The following CTIF variants were observed in gnomAD, a reference collection of about 807,000 sequenced individuals.
The protein encoded by CTIF is CBP80/20-dependent translation initiation factor.
A neutral mutation model predicts 66.0 loss-of-function variants in CTIF; 21 were observed. The observed-to-expected ratio is 0.32, with a 90% CI of 0.23 to 0.46. CTIF has a LOEUF of 0.46. Among genes scored for constraint, CTIF ranks in the 20% least tolerant of loss-of-function variants. The pLI, the probability that CTIF is intolerant of heterozygous loss-of-function variation, is 1.00. For missense variants in CTIF, 739 were observed against 812.7 expected (o/e 0.91, Z 1.10); for synonymous variants, 345 against 326.4 (o/e 1.06, Z -0.62).
intron 10 of CTIF, among the ~76,000 whole-genome samples, chr18:48,828,162 GCTT>G (rs1490179645): frequency 1.3e-5 from 2 of 152,112 alleles, no homozygotes; most frequent in African/African-American, 4.8e-5. Context: ...AAAAATACCA[GCTT>G]CCACCAGACA....
intron 1 of CTIF, among the ~76,000 whole-genome samples, chr18:48,606,409 G>A (rs1242910207): frequency 6.6e-6 from 1 of 152,248 alleles, no homozygotes; most frequent in Non-Finnish European, 1.5e-5. Context: ...CCATATGGGA[G>A]GGTAACAGGG....
At position 48,560,062 on chromosome 18, in the gene CTIF, C is replaced by T. The variant is rs140157612; in HGVS notation, c.-29+20750C>T. 5.1e-3 allele frequency among the ~76,000 whole-genome samples: 774 copies of T among 152,154 alleles called. 2 individuals carry two copies. Among genetic ancestry groups the T allele is most frequent in the Middle Eastern group, 0.014 (4 of 294 alleles). Reference sequence around the variant, plus strand: ...TGGCCCAAGAAACAGGAAGGAGAGACGGCTAATTTCTTAAGGGCTGGCATA... The same window carrying T: ...TGGCCCAAGAAACAGGAAGGAGAGATGGCTAATTTCTTAAGGGCTGGCATA... On this transcript the variant is annotated intron_variant, in intron 1 of 11. Transcript: ENST00000256413.
intron 1 of CTIF, among the ~76,000 whole-genome samples, chr18:48,556,392 A>T (rs555010224): frequency 6.6e-6 from 1 of 152,088 alleles, no homozygotes; most frequent in Non-Finnish European, 1.5e-5. Context: ...TTGATAGTGG[A>T]GTTGGAAAGC....
At chr18:48,635,500 T>C (rs548403180) in intron 2 of CTIF, among the ~76,000 whole-genome samples, 1 of 152,068 alleles carries the variant, frequency 6.6e-6, no homozygotes, top group East Asian at 1.9e-4. Flanking sequence ...GTTTTTGCTT[T>C]TGTTTTAGTA....
chr18:48,753,148 C>G (rs1217437274), intron 7 of CTIF, among the ~76,000 whole-genome samples: 1 of 152,182 alleles, frequency 6.6e-6, no homozygotes, highest in African/African-American at 2.4e-5. Context: ...GAGGTGCCTA[C>G]GCTGGTAATA....
intron 6 of CTIF, among the ~76,000 whole-genome samples, chr18:48,706,727 G>A (rs184694309): frequency 6.6e-6 from 1 of 152,228 alleles, no homozygotes; most frequent in African/African-American, 2.4e-5. Flanking sequence ...ATAACATGCC[G>A]CCCCTCAGTG....
chr18:48,598,874 A>G (rs1270089472), intron 1 of CTIF, among the ~76,000 whole-genome samples: 2 of 152,166 alleles, frequency 1.3e-5, no homozygotes, highest in Non-Finnish European at 2.9e-5. Flanking sequence ...CTCCAACCCC[A>G]GCCTTTTTCC....
intron 2 of CTIF, among the ~76,000 whole-genome samples, chr18:48,634,542 C>T (rs746500085): frequency 3.3e-5 from 5 of 152,206 alleles, no homozygotes; most frequent in Non-Finnish European, 5.9e-5. Flanking sequence ...GTCCAGGGTT[C>T]CCGGTCATGC....
Position 48,701,604 on chromosome 18 carries a change from G to C in CTIF, c.508-10015G>C, listed in dbSNP as rs192102945. Among the ~76,000 whole-genome samples, 169 of 152,198 alleles carry C rather than the reference G, an allele frequency of 1.1e-3. 1 individual carries two copies. Among genetic ancestry groups the C allele is most frequent in the African/African-American group, 3.4e-3 (142 of 41,486 alleles). The stretch of plus-strand genomic sequence containing the variant: ...GGCTGCAGAATGGAAGCCTGACAAT[G>C]GTAGTTGAAGAAGTGGCATTTTACT... On this transcript the variant is annotated intron_variant, in intron 6 of 11. Coordinates refer to ENST00000256413, the MANE Select transcript of CTIF (RefSeq NM_014772.3).
Position 48,657,500 on chromosome 18 carries a change from C to A in CTIF, c.253-6252C>A, listed in dbSNP as rs568100729. ...TTAAACCACCAACCCTCCCTTCTCTCAGTGATTCTGATGCACACTGACATT... is the reference window on the plus strand; with the variant it reads ...TTAAACCACCAACCCTCCCTTCTCTAAGTGATTCTGATGCACACTGACATT... On this transcript the variant is annotated intron_variant, in intron 3 of 11. Transcript: ENST00000256413. Among the ~76,000 whole-genome samples, 3 of 152,334 alleles carry A rather than the reference C, an allele frequency of 2.0e-5. No homozygotes were observed. In the East Asian group the frequency reaches 5.8e-4, roughly 29 times the overall value.
chr18:48,795,797 G>T (rs1008945568), intron 9 of CTIF, among the ~76,000 whole-genome samples: 1 of 152,154 alleles, frequency 6.6e-6, no homozygotes, highest in Admixed American at 6.5e-5. Context: ...CTTGAGGGAG[G>T]GTTTAGTGTA....
At chr18:48,582,661 T>C (rs1038876634) in intron 1 of CTIF, among the ~76,000 whole-genome samples, 1 of 151,668 alleles carries the variant, frequency 6.6e-6, no homozygotes, top group African/African-American at 2.4e-5. Flanking sequence ...GGTGCAGAGG[T>C]GGTGGTGGGA....
intron 7 of CTIF, among the ~76,000 whole-genome samples, chr18:48,735,956 G>C (rs965576107): frequency 3.9e-5 from 6 of 152,194 alleles, no homozygotes; most frequent in African/African-American, 7.2e-5. Context: ...GGAGGAGTTG[G>C]AAAGGGCACA....
At chr18:48,840,253 G>A (rs1021777605) in intron 10 of CTIF, among the ~76,000 whole-genome samples, 9 of 152,200 alleles carry the variant, frequency 5.9e-5, no homozygotes, top group African/African-American at 2.2e-4. Flanking sequence ...ACGAGTTTGG[G>A]TGGATTGGAG....
chr18:48,759,197 G>T (rs930901558), intron 8 of CTIF, among the ~76,000 whole-genome samples: 4 of 152,310 alleles, frequency 2.6e-5, no homozygotes, highest in African/African-American at 9.6e-5. Flanking sequence ...CCACTGCCCA[G>T]CAGGGGCACA....
intron 5 of CTIF, among the ~76,000 whole-genome samples, chr18:48,669,793 T>TTTTATA (rs1427402409): frequency 4.2e-5 from 2 of 47,252 alleles, no homozygotes; most frequent in African/African-American, 1.7e-4. Context: ...AGCTAAACAT[T>TTTTATA]TATATATATA....
At chr18:48,622,456 G>A (rs2090514520) in intron 2 of CTIF, among the ~76,000 whole-genome samples, 1 of 152,042 alleles carries the variant, frequency 6.6e-6, no homozygotes, top group Admixed American at 6.5e-5. Flanking sequence ...AAATCACCAA[G>A]AAAGGACAAA....
intron 3 of CTIF, among the ~76,000 whole-genome samples, chr18:48,656,998 C>T (rs899175216): frequency 6.6e-6 from 1 of 152,170 alleles, no homozygotes; most frequent in Non-Finnish European, 1.5e-5. Flanking sequence ...GACTCTGGGT[C>T]CCAAGGCTAG....
chr18:48,720,325 G>A (rs1219489470), intron 7 of CTIF, among the ~76,000 whole-genome samples: 1 of 152,162 alleles, frequency 6.6e-6, no homozygotes, highest in Non-Finnish European at 1.5e-5. Flanking sequence ...GTTTGACTGA[G>A]CCTATCACTG....
Sources: gnomAD v4.1 joint callset for allele counts (sites outside exome capture counted in the v4.1 genomes callset) on GRCh38, gnomAD v4.1.1 for gene constraint, MANE v1.5 for transcripts, NCBI Gene and HGNC (gene_info 2026-07-23, HGNC 2026-07-21) for gene names.